Variants in PRDM6 observed in about 807,000 individuals in gnomAD.
PRDM6 encodes the protein PR/SET domain 6.
Under a neutral mutation model 60.8 loss-of-function variants are expected in PRDM6, and 25 were observed. That is an observed-to-expected ratio of 0.41 (90% confidence interval 0.30 to 0.57). The LOEUF (loss-of-function observed/expected upper bound fraction) is 0.57, where lower values mean the gene tolerates loss of function less well. PRDM6 is among the 20% of genes least tolerant of loss of function. PRDM6 has a pLI of 0.27. For synonymous variants in PRDM6, 407 were observed against 357.4 expected, an observed-to-expected ratio of 1.14 and a Z score of -1.57; for missense variants, 839 against 821.3, an observed-to-expected ratio of 1.02 and a Z score of -0.26.
chr5:123,162,363 C>T (rs997845335), intron 5 of PRDM6, among the ~76,000 whole-genome samples: 4 of 152,152 alleles, frequency 2.6e-5, no homozygotes, highest in African/African-American at 9.6e-5. Context: ...TTGGTGCCAC[C>T]GTGCCAAAAA....
At chr5:123,182,312 C>T (rs748036318) in intron 7 of PRDM6, among the ~76,000 whole-genome samples, 11 of 152,192 alleles carry the variant, frequency 7.2e-5, no homozygotes, top group East Asian at 3.9e-4. Context: ...ATGAGTGGCA[C>T]GTTGCCTGTG....
chr5:123,109,087 G>A lies in PRDM6; in HGVS notation c.900+9126G>A, dbSNP rs964650484. On this transcript the variant is annotated intron_variant, in intron 3 of 7. Transcript: ENST00000407847. ...AATATCTTCATATATTTTATAGCAC[G>A]TGTCTTTAATAAAAACAAAGCGTTT... 3.9e-5 allele frequency among the ~76,000 whole-genome samples: 6 copies of A among 152,048 alleles called. 1 individual carries two copies. The highest frequency in any genetic ancestry group is 3.3e-4 in the Admixed American group (5 of 15,262).
intron 7 of PRDM6, among the ~76,000 whole-genome samples, chr5:123,182,357 A>G (rs953824869): frequency 6.6e-6 from 1 of 152,232 alleles, no homozygotes; most frequent in Admixed American, 6.5e-5. Flanking sequence ...AAGCAGAGAT[A>G]CAGGAGGGTT....
At chr5:123,114,489 C>T (rs767001602) in intron 3 of PRDM6, among the ~76,000 whole-genome samples, 6 of 152,202 alleles carry the variant, frequency 3.9e-5, no homozygotes, top group Non-Finnish European at 8.8e-5. Flanking sequence ...CCCCTTGAGA[C>T]TTGTTGAGGT....
intron 3 of PRDM6, among the ~76,000 whole-genome samples, chr5:123,154,779 G>C (rs781552575): frequency 6.6e-6 from 1 of 152,194 alleles, no homozygotes; most frequent in African/African-American, 2.4e-5. Flanking sequence ...GGATGCTCTG[G>C]AGAAGTAGCT....
intron 3 of PRDM6, among the ~76,000 whole-genome samples, chr5:123,107,505 A>G (rs1319845038): frequency 1.3e-5 from 2 of 152,226 alleles, no homozygotes; most frequent in African/African-American, 2.4e-5. Flanking sequence ...AGAAATGGGC[A>G]TGCCACATGA....
chr5:123,146,038 A>G (rs1460623315), intron 3 of PRDM6, among the ~76,000 whole-genome samples: 1 of 152,152 alleles, frequency 6.6e-6, no homozygotes, highest in Non-Finnish European at 1.5e-5. Flanking sequence ...TAGTCTGTCT[A>G]TTTTTTAGAG....
At chr5:123,170,288 C>G (rs1012219777) in intron 5 of PRDM6, among the ~76,000 whole-genome samples, 1 of 152,174 alleles carries the variant, frequency 6.6e-6, no homozygotes, top group Non-Finnish European at 1.5e-5. Context: ...CTTCAAATAG[C>G]TTTTCCTGGA....
chr5:123,170,928 T>C lies in PRDM6; in HGVS notation c.1316T>C (p.Ile439Thr), dbSNP rs1488872455. 2.6e-6 allele frequency: 4 copies of C among 1,551,928 alleles called. No homozygotes were observed. The highest frequency in any genetic ancestry group is 2.4e-5 in the South Asian group (2 of 84,064). Residue 439 changes from isoleucine (I) to threonine (T), a missense_variant, in exon 6 of 8, where the codon ATT becomes ACT. This residue lies in a region of PRDM6 where 730 missense variants were observed against 648.8 expected (regional missense o/e 1.13). Coordinates refer to ENST00000407847, the MANE Select transcript of PRDM6 (RefSeq NM_001136239.4). The stretch of plus-strand genomic sequence containing the variant: ...TCTCTTCTGGATAAGTCTGGGCCCA[T>C]TGAATCAGGATTTAATCAAATCAAC... Reference protein sequence around the residue: ...NFSLLDKSGPIESGFNQINVK... With the variant: ...NFSLLDKSGPTESGFNQINVK...
intron 3 of PRDM6, among the ~76,000 whole-genome samples, chr5:123,121,838 T>C (rs937825241): frequency 2.0e-5 from 3 of 151,484 alleles, no homozygotes; most frequent in Admixed American, 2.0e-4. Flanking sequence ...AACAGTTTAG[T>C]TGGGGAGTTT....
intron 6 of PRDM6, among the ~76,000 whole-genome samples, chr5:123,174,633 G>A (rs1765964277): frequency 6.6e-6 from 1 of 152,128 alleles, no homozygotes; most frequent in Non-Finnish European, 1.5e-5. Context: ...CTGTATTCAT[G>A]AGCTTTTTCA....
At chr5:123,140,583 G>C (rs1002923395) in intron 3 of PRDM6, among the ~76,000 whole-genome samples, 1 of 152,054 alleles carries the variant, frequency 6.6e-6, no homozygotes, top group Non-Finnish European at 1.5e-5. Context: ...TTTAGATGTT[G>C]ACATGTATTA....
chr5:123,150,758 C>T (rs185298872), intron 3 of PRDM6, among the ~76,000 whole-genome samples: 2 of 152,254 alleles, frequency 1.3e-5, no homozygotes, highest in East Asian at 1.9e-4. Flanking sequence ...CCTGGATACT[C>T]CATGAGCTGT....
intron 4 of PRDM6, among the ~76,000 whole-genome samples, chr5:123,158,124 C>T (rs1448373290): frequency 1.3e-5 from 2 of 152,218 alleles, no homozygotes; most frequent in African/African-American, 4.8e-5. Flanking sequence ...TGCTCGAAAA[C>T]AGTTCTGCTC....
intron 6 of PRDM6, among the ~76,000 whole-genome samples, chr5:123,179,671 C>G (rs1048855746): frequency 4.6e-5 from 7 of 151,422 alleles, no homozygotes; most frequent in African/African-American, 1.7e-4. Flanking sequence ...GTTTTCTGAA[C>G]TAACAGAGAT....
intron 3 of PRDM6, among the ~76,000 whole-genome samples, chr5:123,146,250 A>G (rs868385070): frequency 6.6e-6 from 1 of 152,214 alleles, no homozygotes; most frequent in African/African-American, 2.4e-5. Flanking sequence ...TGTACCCACT[A>G]GACTATATAA....
At chr5:123,107,483 T>C (rs1764221675) in intron 3 of PRDM6, among the ~76,000 whole-genome samples, 1 of 152,210 alleles carries the variant, frequency 6.6e-6, no homozygotes, top group East Asian at 1.9e-4. Flanking sequence ...TTGCTTTTAT[T>C]CCTGAAATAT....
intron 3 of PRDM6, among the ~76,000 whole-genome samples, chr5:123,109,206 T>A (rs1476947368): frequency 6.7e-6 from 1 of 149,112 alleles, no homozygotes; most frequent in African/African-American, 2.5e-5. Context: ...CAAAAAAAGA[T>A]CAAGTATCTT....
rs1766330131 is a variant in PRDM6 at position 123,188,060 on chromosome 5, G to T, written c.*859G>T. ...TTTGGTTTAAGGCTGGAGATAAGGT[G>T]TTAGGCTTCATTGTAATTTTTTTAG... On this transcript the variant is annotated 3_prime_UTR_variant, in exon 8 of 8. Coordinates refer to ENST00000407847, the MANE Select transcript of PRDM6 (RefSeq NM_001136239.4). 1 of 151,966 alleles carries T rather than the reference G, an allele frequency of 6.6e-6. No individual in the cohort carries two copies. The highest frequency in any genetic ancestry group is 1.5e-5 in the Non-Finnish European group (1 of 67,982). The allele number at this position is 151,966 out of a possible 1,614,324, so 9.4% of individuals were successfully genotyped here.
Sources: gnomAD v4.1 joint callset for allele counts (sites outside exome capture counted in the v4.1 genomes callset) on GRCh38, gnomAD v4.1.1 for gene constraint, gnomAD v4.1.1 regional missense constraint, MANE v1.5 for transcripts, NCBI Gene and HGNC (gene_info 2026-07-23, HGNC 2026-07-21) for gene names.